The following EBF3 variants were observed in gnomAD, a reference collection of about 807,000 sequenced individuals.
EBF3 encodes EBF transcription factor 3.
In EBF3, 18 loss-of-function variants were observed where a neutral mutation model predicts 77.1. The observed-to-expected ratio is 0.23, with a 90% CI of 0.16 to 0.35. The LOEUF (loss-of-function observed/expected upper bound fraction) is 0.35. Ranked by LOEUF, EBF3 falls within the 10% of genes least tolerant of loss-of-function variation. The pLI is 1.00. For synonymous variants in EBF3, 350 were observed against 343.5 expected, an observed-to-expected ratio of 1.02 and a Z score of -0.21; for missense variants, 558 against 860.0, an observed-to-expected ratio of 0.65 and a Z score of 4.39.
intron 6 of EBF3, among the ~76,000 whole-genome samples, chr10:129,888,086 G>A (rs1417675857): frequency 1.3e-5 from 2 of 152,232 alleles, no homozygotes; most frequent in African/African-American, 4.8e-5. Flanking sequence ...TTCTTGCACA[G>A]GGAGAAGAAC....
chr10:129,856,130 G>A (rs78574929), intron 10 of EBF3, among the ~76,000 whole-genome samples: 16,900 of 152,206 alleles, frequency 0.11, 1,408 homozygotes, highest in African/African-American at 0.22. Flanking sequence ...CCTCTGCCAC[G>A]TGCCTGCCCT....
chr10:129,954,080 T>TTG (rs1858864451), intron 6 of EBF3, among the ~76,000 whole-genome samples: 1 of 152,152 alleles, frequency 6.6e-6, no homozygotes, highest in African/African-American at 2.4e-5. Context: ...TAAAAATCAT[T>TTG]TGTGTGTGTA....
chr10:129,931,567 G>A (rs1317400641), intron 6 of EBF3, among the ~76,000 whole-genome samples: 2 of 152,264 alleles, frequency 1.3e-5, no homozygotes, highest in African/African-American at 2.4e-5. Flanking sequence ...CTGGGGCCGC[G>A]ACTGTGAGCG....
At chr10:129,902,542 A>C (rs1271159479) in intron 6 of EBF3, among the ~76,000 whole-genome samples, 1 of 152,164 alleles carries the variant, frequency 6.6e-6, no homozygotes, top group African/African-American at 2.4e-5. Context: ...AACCCAGCAG[A>C]AAGTCCCAGA....
intron 16 of EBF3, among the ~76,000 whole-genome samples, chr10:129,838,625 CTT>C (rs1015582946): frequency 2.0e-5 from 3 of 152,338 alleles, no homozygotes; most frequent in South Asian, 2.1e-4. Flanking sequence ...GAAGAGAAAA[CTT>C]TGCACGAAAA....
intron 6 of EBF3, among the ~76,000 whole-genome samples, chr10:129,893,925 A>T (rs1433999649): frequency 6.6e-6 from 1 of 151,886 alleles, no homozygotes; most frequent in Non-Finnish European, 1.5e-5. Context: ...CGTGTGAGGG[A>T]CTCTCCACAG....
chr10:129,962,824 G>A, intron 3 of EBF3, 118 bp downstream of exon 3: 2 of 1,202,800 alleles, frequency 1.7e-6, no homozygotes, highest in Non-Finnish European at 2.4e-6. Flanking sequence ...TCTATGCCAT[G>A]AGAAGATTTC....
chr10:129,937,980 T>C (rs145181265), intron 6 of EBF3, among the ~76,000 whole-genome samples: 85 of 152,340 alleles, frequency 5.6e-4, no homozygotes, highest in African/African-American at 1.9e-3. Flanking sequence ...TGGGTACACT[T>C]TCACAAAATG....
Position 129,837,822 on chromosome 10 carries a change from G to T in EBF3, c.*121C>A. On this transcript the variant is annotated 3_prime_UTR_variant, in exon 17 of 17. Coordinates refer to ENST00000440978, the MANE Select transcript of EBF3 (RefSeq NM_001375380.1). ...CTTTTGTAGCATTTCAATTGCTGCTGATTTTTTTGAAGATACTGTTTCCAT... is the reference window on the plus strand; with the variant it reads ...CTTTTGTAGCATTTCAATTGCTGCTTATTTTTTTGAAGATACTGTTTCCAT... 7.4e-7 allele frequency: 1 copy of T among 1,353,190 alleles called. No individual in the cohort carries two copies. Among genetic ancestry groups the T allele is most frequent in the South Asian group, 1.3e-5 (1 of 78,886 alleles). The allele number at this position is 1,353,190 out of a possible 1,614,324, so 83.8% of individuals were successfully genotyped here. A position where few individuals can be genotyped will look rare whatever the true frequency, so the allele number is the denominator to read the frequency against.
intron 6 of EBF3, among the ~76,000 whole-genome samples, chr10:129,934,297 G>A (rs1056570439): frequency 6.6e-6 from 1 of 151,964 alleles, no homozygotes; most frequent in Non-Finnish European, 1.5e-5. Flanking sequence ...GACACTCAGA[G>A]CAAGGCCCCC....
At chr10:129,912,757 A>G (rs1054208599) in intron 6 of EBF3, among the ~76,000 whole-genome samples, 1 of 152,248 alleles carries the variant, frequency 6.6e-6, no homozygotes, top group Non-Finnish European at 1.5e-5. Context: ...GACAAGTAGA[A>G]ATATCAATAT....
chr10:129,874,910 C>T (rs1268774715), intron 7 of EBF3, among the ~76,000 whole-genome samples: 4 of 152,082 alleles, frequency 2.6e-5, no homozygotes, highest in Non-Finnish European at 4.4e-5. Context: ...CCAGCATAAT[C>T]GGGGAAACCA....
intron 7 of EBF3, among the ~76,000 whole-genome samples, chr10:129,875,686 C>T (rs908291577): frequency 6.6e-6 from 1 of 152,244 alleles, no homozygotes; most frequent in African/African-American, 2.4e-5. Flanking sequence ...AGTGCTGGCC[C>T]AGCATCCCAG....
intron 6 of EBF3, among the ~76,000 whole-genome samples, chr10:129,946,625 G>C (rs562539763): frequency 6.6e-6 from 1 of 152,260 alleles, no homozygotes; most frequent in East Asian, 1.9e-4. Context: ...CTTTCTCTTG[G>C]ATTGTTGTTG....
At chr10:129,911,229 G>A (rs1007930284) in intron 6 of EBF3, among the ~76,000 whole-genome samples, 6 of 152,202 alleles carry the variant, frequency 3.9e-5, no homozygotes, top group Non-Finnish European at 7.3e-5. Flanking sequence ...CCATGGTCCC[G>A]GAGCACAGGG....
At chr10:129,962,888 CAGAAA>C in intron 3 of EBF3, 49 bp downstream of exon 3, 1 of 1,595,186 alleles carries the variant, frequency 6.3e-7, no homozygotes, top group Non-Finnish European at 8.6e-7. Context: ...TTCACCAGCG[CAGAAA>C]AGGAGAGCCA....
At position 129,885,974 on chromosome 10, in the gene EBF3, T is replaced by C. The variant is rs558424627; in HGVS notation, c.555-8125A>G. Reference sequence around the variant, plus strand: ...CTTCTTTCGCCATCCTGATTCCTGATGGCTGGGGAGGTCATTCTCAAAATA... The same window carrying C: ...CTTCTTTCGCCATCCTGATTCCTGACGGCTGGGGAGGTCATTCTCAAAATA... On this transcript the variant is annotated intron_variant, in intron 6 of 16. Transcript: ENST00000440978. The surrounding 1 kb of genome is among the most constrained non-coding windows in gnomAD (Gnocchi z 4.0). Among the ~76,000 whole-genome samples the C allele has an allele frequency of 1.3e-5, 2 of 152,140 alleles. No individual in the cohort carries two copies. The highest frequency in any genetic ancestry group is 4.8e-5 in the African/African-American group (2 of 41,530).
intron 6 of EBF3, among the ~76,000 whole-genome samples, chr10:129,889,494 T>A (rs1853858225): frequency 6.6e-6 from 1 of 152,194 alleles, no homozygotes. Flanking sequence ...ACAGCTTTCT[T>A]GTCGGACGGT....
intron 8 of EBF3, among the ~76,000 whole-genome samples, chr10:129,871,480 T>C (rs528757528): frequency 6.6e-6 from 1 of 152,260 alleles, no homozygotes; most frequent in Non-Finnish European, 1.5e-5. Context: ...AGGTGTTAGC[T>C]AGGAGAGGCT....
Sources: allele counts gnomAD v4.1 joint callset (sites outside exome capture counted in the v4.1 genomes callset), GRCh38; gene constraint gnomAD v4.1.1; non-coding constraint Gnocchi (gnomAD v3.1); transcripts MANE v1.5; gene names NCBI Gene and HGNC (gene_info 2026-07-23, HGNC 2026-07-21).